The following CPSF4 variants were observed in gnomAD, a reference collection of about 807,000 sequenced individuals.
The protein encoded by CPSF4 is cleavage and polyadenylation specificity factor subunit 4.
In CPSF4, 11 loss-of-function variants were observed where a neutral mutation model predicts 37.7. That is an observed-to-expected ratio of 0.29 (90% CI 0.18 to 0.48). CPSF4 has a LOEUF of 0.48. Among genes scored for constraint, CPSF4 ranks in the 20% least tolerant of loss-of-function variants. The pLI is 0.99. For missense variants in CPSF4, 144 were observed against 359.5 expected, an observed-to-expected ratio of 0.40 and a Z score of 4.85; for synonymous variants, 132 against 135.9, an observed-to-expected ratio of 0.97 and a Z score of 0.20.
intron 7 of CPSF4, among the ~76,000 whole-genome samples, chr7:99,454,773 A>G (rs951297351): frequency 2.0e-5 from 3 of 152,218 alleles, no homozygotes; most frequent in Admixed American, 2.0e-4. Flanking sequence ...AAATCGCCCC[A>G]GGATTGGTGT....
At chr7:99,444,354 G>A (rs956977216) in intron 1 of CPSF4, among the ~76,000 whole-genome samples, 3 of 152,058 alleles carry the variant, frequency 2.0e-5, no homozygotes, top group African/African-American at 7.2e-5. Context: ...CTACTTGGGA[G>A]GCTGAGGCAA....
intron 2 of CPSF4, chr7:99,447,629 G>C (rs1797624315): frequency 7.7e-6 from 1 of 130,680 alleles, no homozygotes; most frequent in Non-Finnish European, 1.5e-5. Context: ...TTGCTCTGTT[G>C]CCCAGGCTGG....
At position 99,439,154 on chromosome 7, in the gene CPSF4, G is replaced by A. The variant is rs1182869351; in HGVS notation, c.72G>A (p.Gly24=). Reference sequence around the variant, plus strand: ...AGATCGCGGTGGAGCAGCAGCTGGGGGCGCAGCCGCTGCCCTTCCCCGGCA... The same window carrying A: ...AGATCGCGGTGGAGCAGCAGCTGGGAGCGCAGCCGCTGCCCTTCCCCGGCA... The part of the protein sequence containing the change: ...DLEIAVEQQL[G]AQPLPFPGMD... The change falls in exon 1 of 8, where the codon GGG becomes GGA. Residue 24 remains glycine, a synonymous_variant. Transcript: ENST00000292476. 4 of 1,608,802 alleles carry A rather than the reference G, an allele frequency of 2.5e-6. No individual in the cohort carries two copies. The highest frequency in any genetic ancestry group is 3.4e-6 in the Non-Finnish European group (4 of 1,178,844).
chr7:99,445,369 G>A lies in CPSF4; in HGVS notation c.154+530G>A, dbSNP rs186894629. Among the ~76,000 whole-genome samples, 18 of 152,042 alleles carry A rather than the reference G, an allele frequency of 1.2e-4. No individual in the cohort carries two copies. The East Asian group carries it at 2.1e-3, about 18-fold the overall frequency. On this transcript the variant is annotated intron_variant, in intron 2 of 7. Coordinates refer to ENST00000292476, the MANE Select transcript of CPSF4 (RefSeq NM_006693.4). ...TCAGAGGTTGCAGTGAGCCGAGATC[G>A]TGCCATTGCACTCCAGCCTGGCAAC... is the stretch of plus-strand genomic sequence containing the variant.
intron 1 of CPSF4, 38 bp from the exon 2 acceptor site, chr7:99,444,751 A>G: frequency 3.1e-6 from 5 of 1,596,342 alleles, no homozygotes; most frequent in Non-Finnish European, 4.3e-6. Flanking sequence ...AGCAAATTGC[A>G]CCTCTTTGAT....
chr7:99,450,972 C>T (rs1584508798), intron 5 of CPSF4, 177 bp downstream of exon 5: 1 of 593,572 alleles, frequency 1.7e-6, no homozygotes, highest in East Asian at 2.8e-5. Context: ...GCTTCCTGAG[C>T]CCGCAGGTGG....
chr7:99,450,456 A>T lies in CPSF4; in HGVS notation c.403+85A>T, dbSNP rs569087616. The stretch of plus-strand genomic sequence containing the variant: ...GACCCTGGAGGCTGCCAGCTGGTCT[A>T]CCTGTCCCAGCAAAACCTGACATTC... On this transcript the variant is annotated intron_variant, in intron 4 of 7. Transcript: ENST00000292476. The T allele has an allele frequency of 7.9e-4, 767 of 968,216 alleles. 3 individuals are homozygous for T. The highest frequency in any genetic ancestry group is 2.3e-4 in the Non-Finnish European group (142 of 621,582). The allele number at this position is 968,216 out of a possible 1,614,324, so 60.0% of individuals were successfully genotyped here.
intron 2 of CPSF4, among the ~76,000 whole-genome samples, chr7:99,446,796 TTTTTTTTTTTTTA>T: frequency 7.8e-6 from 1 of 128,544 alleles, no homozygotes; most frequent in African/African-American, 3.2e-5. Context: ...TTTTTTTTTT[TTTTTTTTTTTTTA>T]ACGGAGTTTT....
intron 1 of CPSF4, chr7:99,443,271 G>GT: frequency 7.7e-6 from 6 of 783,358 alleles, no homozygotes; most frequent in South Asian, 4.1e-5. Flanking sequence ...CACATCAACA[G>GT]TTTTTTTCAG....
chr7:99,450,978 G>A (rs1797890170), intron 5 of CPSF4, 183 bp downstream of exon 5: 1 of 592,258 alleles, frequency 1.7e-6, no homozygotes. Context: ...TGAGCCCGCA[G>A]GTGGCTCTGC....
chr7:99,445,896 C>CA (rs1309384239), intron 2 of CPSF4, among the ~76,000 whole-genome samples: 45 of 144,076 alleles, frequency 3.1e-4, no homozygotes, highest in Middle Eastern at 3.5e-3. Flanking sequence ...CAAAACAAAA[C>CA]AAAAAAAAAA....
At chr7:99,440,230 T>A (rs1796770332) in intron 1 of CPSF4, among the ~76,000 whole-genome samples, 1 of 151,602 alleles carries the variant, frequency 6.6e-6, no homozygotes, top group Non-Finnish European at 1.5e-5. Context: ...TGTTGTGTGC[T>A]GTCGCCCACA....
chr7:99,450,489 A>G (rs539742183), intron 4 of CPSF4, 118 bp downstream of exon 4: 2 of 784,970 alleles, frequency 2.5e-6, no homozygotes, highest in South Asian at 3.3e-5. Context: ...TTCTGCAGCT[A>G]GCGGCTTTCT....
In CPSF4 at chr7:99,450,964, T is replaced by C. The variant is rs370461587; in HGVS notation, c.497+169T>C. On this transcript the variant is annotated intron_variant, in intron 5 of 7. Coordinates refer to ENST00000292476, the MANE Select transcript of CPSF4 (RefSeq NM_006693.4). The stretch of plus-strand genomic sequence containing the variant: ...AATCCCTGCTTATGGCCACCAATGC[T>C]TCCTGAGCCCGCAGGTGGCTCTGCC... 1.4e-4 allele frequency: 83 copies of C among 597,596 alleles called. No homozygotes were observed. In the East Asian group the frequency reaches 1.6e-3, roughly 11 times the overall value. 37.0% of individuals were successfully genotyped at this position (597,596 alleles called of 1,614,324 possible).
At chr7:99,442,710 C>A (rs960100757) in intron 1 of CPSF4, among the ~76,000 whole-genome samples, 22 of 145,132 alleles carry the variant, frequency 1.5e-4, no homozygotes, top group Non-Finnish European at 2.6e-4. Flanking sequence ...AACAAAAACA[C>A]AACAACCTTA....
At chr7:99,449,701 C>T (rs1797801392) in intron 3 of CPSF4, among the ~76,000 whole-genome samples, 1 of 152,150 alleles carries the variant, frequency 6.6e-6, no homozygotes, top group African/African-American at 2.4e-5. Context: ...GAAGAAATTG[C>T]TTGTGACAAG....
intron 1 of CPSF4, among the ~76,000 whole-genome samples, chr7:99,440,674 A>ATATATATATATATATGTTTTTTTTTTT: frequency 5.7e-5 from 5 of 88,128 alleles, no homozygotes; most frequent in Non-Finnish European, 9.1e-5. Context: ...ATATATATAT[A>ATATATATATATATATGTTTTTTTTTTT]TTTTTTTTTT....
chr7:99,442,758 TCA>T (rs1402366617), intron 1 of CPSF4: 3 of 620,960 alleles, frequency 4.8e-6, no homozygotes, highest in African/African-American at 1.8e-5. Context: ...CCGCGGCAGT[TCA>T]CAGTTTTACC....
intron 1 of CPSF4, 163 bp downstream of exon 1, chr7:99,439,348 G>A (rs1464843519): frequency 9.1e-6 from 5 of 546,628 alleles, no homozygotes; most frequent in Non-Finnish European, 1.6e-5. Context: ...TCTAGGTCTT[G>A]AGAGTCCCTC....
Sources: allele counts gnomAD v4.1 joint callset (sites outside exome capture counted in the v4.1 genomes callset), GRCh38; gene constraint gnomAD v4.1.1; transcripts MANE v1.5; gene names NCBI Gene and HGNC (gene_info 2026-07-23, HGNC 2026-07-21).